Variants in HOXA3 observed in about 807,000 individuals in gnomAD.
HOXA3 encodes the protein homeobox protein Hox-A3.
HOXA3 carries 8 observed loss-of-function variants against 30.3 expected under a neutral mutation model. The observed-to-expected ratio is 0.26, with a 90% CI of 0.15 to 0.48. HOXA3 has a LOEUF of 0.48. Among genes scored for constraint, HOXA3 ranks in the 20% least tolerant of loss-of-function variants. The probability of loss-of-function intolerance (pLI) is 0.99; values close to 1 mark genes in which losing one functional copy is unlikely to be tolerated. For synonymous variants in HOXA3, 323 were observed against 273.1 expected (o/e 1.18, Z -1.80); for missense variants, 653 against 614.4 (o/e 1.06, Z -0.66).
rs779731853 is a variant in HOXA3, at chr7:27,107,895, G to C, written c.*20C>G. On this transcript the variant is annotated 3_prime_UTR_variant, in exon 6 of 6. Transcript: ENST00000612286. ...GTGGGTGGGGGGAGACTCTCCTGGC[G>C]CGTAGCCCCAAGCCCACTATCACAG... is the stretch of plus-strand genomic sequence containing the variant. The C allele has an allele frequency of 6.8e-7, 1 of 1,474,798 alleles. No homozygotes were observed. Among genetic ancestry groups the C allele is most frequent in the Admixed American group, 2.2e-5 (1 of 46,044 alleles). The allele number at this position is 1,474,798 out of a possible 1,614,324, so 91.4% of individuals were successfully genotyped here.
Position 27,107,799 on chromosome 7 carries a change from A to C in HOXA3, c.*116T>G. 1.4e-6 allele frequency: 1 copy of C among 715,228 alleles called. No homozygotes were observed. The highest frequency in any genetic ancestry group is 2.2e-6 in the Non-Finnish European group (1 of 458,160). 44.3% of individuals were successfully genotyped at this position (715,228 alleles called of 1,614,324 possible). ...AAACGGAGTGCGGGGCGGAGAAGAG[A>C]GAAAAGGAAGGAAGGAAAGGGCAGG... is the stretch of plus-strand genomic sequence containing the variant. On this transcript the variant is annotated 3_prime_UTR_variant, in exon 6 of 6. Transcript: ENST00000612286.
At chr7:27,125,927 A>C (rs1409557577) in intron 3 of HOXA3, among the ~76,000 whole-genome samples, 1 of 152,138 alleles carries the variant, frequency 6.6e-6, no homozygotes, top group Non-Finnish European at 1.5e-5. Context: ...CCCACCCCAT[A>C]GGGAGGAGGC....
intron 2 of HOXA3, chr7:27,129,432 G>C: frequency 6.2e-7 from 1 of 1,614,216 alleles, no homozygotes; most frequent in Non-Finnish European, 8.5e-7. Context: ...CAGACAAACA[G>C]AGCGTGTGGG....
At chr7:27,147,454 G>A in intron 1 of HOXA3, 1 of 1,614,190 alleles carries the variant, frequency 6.2e-7, no homozygotes, top group Non-Finnish European at 8.5e-7. Flanking sequence ...GTAGTCCCCG[G>A]GGCCCCTCTG....
chr7:27,119,170 GA>G (rs67380403), intron 4 of HOXA3, among the ~76,000 whole-genome samples: 1 of 51,828 alleles, frequency 1.9e-5, no homozygotes, highest in Admixed American at 2.3e-4. Context: ...AAAAAAATAA[GA>G]AAAAAAAGAA....
At chr7:27,129,705 C>A (rs1389281651) in intron 2 of HOXA3, 2 of 957,514 alleles carry the variant, frequency 2.1e-6, no homozygotes, top group African/African-American at 3.3e-5. Context: ...ACACCAAGTT[C>A]ACGCAAGATA....
chr7:27,148,719 GCC>G (rs1782872889), intron 1 of HOXA3, among the ~76,000 whole-genome samples: 1 of 152,264 alleles, frequency 6.6e-6, no homozygotes, highest in African/African-American at 2.4e-5. Flanking sequence ...TCCTAAGACA[GCC>G]GAGGGACCTG....
intron 2 of HOXA3, chr7:27,129,367 T>G: frequency 6.2e-7 from 1 of 1,614,130 alleles, no homozygotes; most frequent in Non-Finnish European, 8.5e-7. Context: ...GGGCAGTTTG[T>G]GGTCTTTCTT....
rs17449129 is a variant in HOXA3, at chr7:27,133,535, C to T, written c.-389-6465G>A. Among the ~76,000 whole-genome samples the T allele has an allele frequency of 3.9e-5, 6 of 152,280 alleles. No individual in the cohort carries two copies. In the East Asian group the frequency reaches 5.8e-4, roughly 15 times the overall value. ...CCTTTCCTTAGGAAACTGGTGAGCACGTTTGCTCATTTCCACGTGCAGGGA... is the reference window on the plus strand; with the variant it reads ...CCTTTCCTTAGGAAACTGGTGAGCATGTTTGCTCATTTCCACGTGCAGGGA... On this transcript the variant is annotated intron_variant, in intron 2 of 5. Coordinates refer to ENST00000612286, the MANE Select transcript of HOXA3 (RefSeq NM_153631.3).
Position 27,138,897 on chromosome 7 carries a change from AAAC to A in HOXA3, c.-390+1183_-390+1185del, listed in dbSNP as rs1419495927. Among the ~76,000 whole-genome samples, 5 of 152,340 alleles carry A rather than the reference AAAC, an allele frequency of 3.3e-5. No individual in the cohort carries two copies. In the East Asian group the frequency reaches 9.6e-4, roughly 29 times the overall value. The stretch of plus-strand genomic sequence containing the variant: ...ACTACCGTTTATGATGTGTCAGGAA[AAAC>A]AACCTAATGGCTCTGGGGACTTTTA... On this transcript the variant is annotated intron_variant, in intron 2 of 5. Transcript: ENST00000612286.
Position 27,130,164 on chromosome 7 carries a change from C to A in HOXA3, c.-389-3094G>T, listed in dbSNP as rs1223359356. ...TCATCCAGGGGTACACCACGGGCTC[C>A]TTGCCCTTCAGGCCCAGCGGGCTCT... On this transcript the variant is annotated intron_variant, in intron 2 of 5. Coordinates refer to ENST00000612286, the MANE Select transcript of HOXA3 (RefSeq NM_153631.3). 1.0e-5 allele frequency: 16 copies of A among 1,600,762 alleles called. No individual in the cohort carries two copies. The highest frequency in any genetic ancestry group is 1.4e-5 in the Non-Finnish European group (16 of 1,177,152).
In HOXA3 at chr7:27,107,726, C is replaced by T. The variant is rs992902096; in HGVS notation, c.*189G>A. The T allele has an allele frequency of 1.1e-5, 5 of 466,336 alleles. No homozygotes were observed. Among genetic ancestry groups the T allele is most frequent in the African/African-American group, 6.1e-5 (3 of 49,066 alleles). 28.9% of individuals were successfully genotyped at this position (466,336 alleles called of 1,614,324 possible). A position where few individuals can be genotyped will look rare whatever the true frequency, so the allele number is the denominator to read the frequency against. ...GCCATTCCAGCAACCAAGATTGCTA[C>T]GTCACATAAACTATAAAAACGCCTT... is the stretch of plus-strand genomic sequence containing the variant. On this transcript the variant is annotated 3_prime_UTR_variant, in exon 6 of 6. Coordinates refer to ENST00000612286, the MANE Select transcript of HOXA3 (RefSeq NM_153631.3).
At position 27,108,931 on chromosome 7, in the gene HOXA3, TC is replaced by T. The variant is rs1784200571; in HGVS notation, c.527-212del. Among the ~76,000 whole-genome samples the T allele has an allele frequency of 1.3e-5, 2 of 152,020 alleles. No individual in the cohort carries two copies. Among genetic ancestry groups the T allele is most frequent in the African/African-American group, 2.4e-5 (1 of 41,388 alleles). On this transcript the variant is annotated intron_variant, in intron 5 of 5. Coordinates refer to ENST00000612286, the MANE Select transcript of HOXA3 (RefSeq NM_153631.3). This position sits in a 1 kb window ranked among gnomAD's most constrained non-coding sequence, Gnocchi z 5.0. ...AGCCAAGGAGCAAATCACAGCCTTC[TC>T]GGGGGAAAGGACAGAGAAGTAGAAC...
rs960647201 is a variant in HOXA3 at position 27,131,938 on chromosome 7, G to T, written c.-389-4868C>A. The stretch of plus-strand genomic sequence containing the variant: ...TTAACGATATCAGAAGCTCCGGAAA[G>T]GAGGGAGAGGAGACTGTTGCCTGCT... On this transcript the variant is annotated intron_variant, in intron 2 of 5. Transcript: ENST00000612286. Among the ~76,000 whole-genome samples, 3 of 152,350 alleles carry T rather than the reference G, an allele frequency of 2.0e-5. No homozygotes were observed. The East Asian group carries it at 5.8e-4, about 29-fold the overall frequency.
chr7:27,147,619 G>T, intron 1 of HOXA3: 1 of 1,614,216 alleles, frequency 6.2e-7, no homozygotes, highest in Non-Finnish European at 8.5e-7. Context: ...GAGACTCGAC[G>T]CCCCGTACGA....
intron 4 of HOXA3, among the ~76,000 whole-genome samples, chr7:27,111,485 C>CGTGTGTGTGTGTGTGTGTGTGTGTGTGT (rs61655486): frequency 6.7e-6 from 1 of 148,780 alleles, no homozygotes; most frequent in African/African-American, 2.5e-5. Context: ...GAACACATTG[C>CGTGTGTGTGTGTGTGTGTGTGTGTGTGT]GTGTGTGTGT....
intron 1 of HOXA3, chr7:27,143,040 CT>C: frequency 6.6e-7 from 1 of 1,504,142 alleles, no homozygotes. Flanking sequence ...AAAAGGCTGG[CT>C]TTACCATGAC....
chr7:27,151,711 T>G, intron 1 of HOXA3: 1 of 456,518 alleles, frequency 2.2e-6, no homozygotes, highest in South Asian at 1.5e-5. Flanking sequence ...CCTTCTACCT[T>G]TCTCTCTGAA....
In HOXA3 at chr7:27,133,877, C is replaced by T. The variant is rs774025725; in HGVS notation, c.-390+6206G>A. On this transcript the variant is annotated intron_variant, in intron 2 of 5. Transcript: ENST00000612286. ...ATCACAAGGCGCGCCCTTCACTAGC[C>T]GACATTTTCATATTTGTTAGACGCA... is the stretch of plus-strand genomic sequence containing the variant. 4.6e-5 allele frequency among the ~76,000 whole-genome samples: 7 copies of T among 152,278 alleles called. No individual in the cohort carries two copies. The East Asian group carries it at 7.7e-4, about 17-fold the overall frequency.
Sources: allele counts gnomAD v4.1 joint callset (sites outside exome capture counted in the v4.1 genomes callset), GRCh38; gene constraint gnomAD v4.1.1; non-coding constraint Gnocchi (gnomAD v3.1); transcripts MANE v1.5; gene names NCBI Gene and HGNC (gene_info 2026-07-23, HGNC 2026-07-21).